The following SAMD3 variants were observed in gnomAD, a reference collection of about 807,000 sequenced individuals.
The protein encoded by SAMD3 is sterile alpha motif domain containing 3.
Under a neutral mutation model 58.5 loss-of-function variants are expected in SAMD3, and 63 were observed. The observed-to-expected ratio is 1.08, with a 90% CI of 0.88 to 1.33. The LOEUF (loss-of-function observed/expected upper bound fraction) is 1.33, where lower values mean the gene tolerates loss of function less well. SAMD3 is among the 40% of genes most tolerant of loss of function. The pLI is 0.00. For missense variants in SAMD3, 604 were observed against 608.4 expected, an observed-to-expected ratio of 0.99 and a Z score of 0.08; for synonymous variants, 220 against 210.3, an observed-to-expected ratio of 1.05 and a Z score of -0.40.
At chr6:130,264,285 C>G (rs1447888126) in intron 2 of SAMD3, among the ~76,000 whole-genome samples, 2 of 152,206 alleles carry the variant, frequency 1.3e-5, no homozygotes. Flanking sequence ...CTGCCAAAGG[C>G]CATCCAGCTT....
chr6:130,238,704 A>T (rs1375890089), intron 2 of SAMD3, among the ~76,000 whole-genome samples: 2 of 152,188 alleles, frequency 1.3e-5, no homozygotes, highest in African/African-American at 4.8e-5. Flanking sequence ...CCATATGTGG[A>T]CCAGGAAGGG....
At chr6:130,142,974 G>T (rs1788351913), downstream of SAMD3, 1 of 152,188 alleles carries the variant, frequency 6.6e-6, no homozygotes, top group Non-Finnish European at 1.5e-5. Flanking sequence ...TAGGAACTAG[G>T]TTAGGCAAAA....
intron 1 of SAMD3, among the ~76,000 whole-genome samples, chr6:130,325,919 T>G (rs2115006618): frequency 6.6e-6 from 1 of 152,296 alleles, no homozygotes; most frequent in African/African-American, 2.4e-5. Flanking sequence ...ACTTGCCTAC[T>G]TTTCAATTCT....
chr6:130,147,495 T>C (rs1318897575), intron 9 of SAMD3, among the ~76,000 whole-genome samples: 1 of 152,230 alleles, frequency 6.6e-6, no homozygotes, highest in Non-Finnish European at 1.5e-5. Flanking sequence ...TCTGACTTTT[T>C]ATGTTTTGAA....
At chr6:130,314,243 A>G (rs997875657) in intron 1 of SAMD3, among the ~76,000 whole-genome samples, 11 of 152,336 alleles carry the variant, frequency 7.2e-5, no homozygotes, top group African/African-American at 2.4e-4. Flanking sequence ...TAAAGCCCTG[A>G]TTGTTATATC....
intron 2 of SAMD3, among the ~76,000 whole-genome samples, chr6:130,271,955 C>A (rs1774580068): frequency 6.6e-6 from 1 of 152,154 alleles, no homozygotes; most frequent in Non-Finnish European, 1.5e-5. Flanking sequence ...CCCACTGGGT[C>A]CCTCCCATGA....
intron 5 of SAMD3, among the ~76,000 whole-genome samples, chr6:130,195,346 G>C (rs952124855): frequency 6.6e-6 from 1 of 152,054 alleles, no homozygotes; most frequent in African/African-American, 2.4e-5. Flanking sequence ...CCCACAGCAC[G>C]CTTTGGGCAT....
intron 2 of SAMD3, among the ~76,000 whole-genome samples, chr6:130,283,716 T>G (rs1225696577): frequency 1.3e-5 from 2 of 152,174 alleles, no homozygotes; most frequent in African/African-American, 4.8e-5. Context: ...ATTTACCACT[T>G]TCAGATCTAT....
At chr6:130,339,142 G>A (rs1777189717) in intron 1 of SAMD3, among the ~76,000 whole-genome samples, 1 of 152,090 alleles carries the variant, frequency 6.6e-6, no homozygotes, top group African/African-American at 2.4e-5. Context: ...CACCTCCCAG[G>A]TTCATGCCAT....
chr6:130,189,259 T>C (rs1484944995), intron 5 of SAMD3, among the ~76,000 whole-genome samples: 1 of 152,144 alleles, frequency 6.6e-6, no homozygotes, highest in Non-Finnish European at 1.5e-5. Context: ...AATGAAATCA[T>C]AAGGTTGGGC....
intron 2 of SAMD3, among the ~76,000 whole-genome samples, chr6:130,311,610 G>T (rs993094094): frequency 6.6e-6 from 1 of 152,228 alleles, no homozygotes; most frequent in East Asian, 1.9e-4. Context: ...AGGCCCAGTA[G>T]TTGAACAAGT....
Position 130,146,111 on chromosome 6 carries a change from T to C in SAMD3, c.1094A>G (p.Tyr365Cys), listed in dbSNP as rs1788603842. The C allele has an allele frequency of 7.5e-6, 12 of 1,602,350 alleles. No homozygotes were observed. The East Asian group carries it at 2.7e-4, about 36-fold the overall frequency. ...AAAAGAAGTCAGTATATTTTCTGAA[T>C]AGGATTCCAAAATGTGCCTTGTTTT... ...YKKTRHILES[Y>C]SENILTSFSV... The change falls in exon 10 of 12, where the codon TAT becomes TGT. Residue 365 changes from tyrosine (Y) to cysteine (C), a missense_variant. Transcript: ENST00000439090.
chr6:130,280,345 T>G (rs1034080504), intron 2 of SAMD3, among the ~76,000 whole-genome samples: 6 of 152,202 alleles, frequency 3.9e-5, no homozygotes, highest in Non-Finnish European at 1.5e-5. Context: ...ACATACCTCT[T>G]ACCCTTCTCA....
rs148711163 is a variant in SAMD3 at position 130,299,694 on chromosome 6, C to T, written c.-188+13284G>A. Among the ~76,000 whole-genome samples the T allele has an allele frequency of 2.4e-3, 366 of 152,126 alleles. 1 individual carries two copies. Among genetic ancestry groups the T allele is most frequent in the African/African-American group, 8.6e-3 (355 of 41,512 alleles). On this transcript the variant is annotated intron_variant, in intron 2 of 13. Transcript: ENST00000368134. Reference sequence around the variant, plus strand: ...GAAGTTGGTTTTTTGAAAGGATAAACAAAATTGATAGATTGTCCTAGATTA... The same window carrying T: ...GAAGTTGGTTTTTTGAAAGGATAAATAAAATTGATAGATTGTCCTAGATTA...
Position 130,146,049 on chromosome 6 carries a change from C to A in SAMD3, c.1156G>T (p.Glu386Ter). The A allele has an allele frequency of 6.4e-7, 1 of 1,570,052 alleles. No homozygotes were observed. The highest frequency in any genetic ancestry group is 8.6e-7 in the Non-Finnish European group (1 of 1,161,512). Residue 386 changes from glutamate to a stop codon, truncating the protein, a stop_gained, in exon 10 of 12, where the codon GAA becomes TAA. Transcript: ENST00000439090. LOFTEE classifies it high-confidence loss of function. ...VDNPINIVLQEKMKHYTDEDM... is the reference protein window; with the variant it reads ...VDNPINIVLQ ...TCATCTGTGTAATGTTTCATTTTTT[C>A]TTGCAATACAATATTGATTGGATTG...
chr6:130,362,503 G>A (rs1389389931), intron 1 of SAMD3, among the ~76,000 whole-genome samples: 1 of 152,124 alleles, frequency 6.6e-6, no homozygotes, highest in African/African-American at 2.4e-5. Flanking sequence ...AGTAATTTTT[G>A]GATTTCTATA....
intron 2 of SAMD3, among the ~76,000 whole-genome samples, chr6:130,234,974 G>A (rs967123527): frequency 6.6e-6 from 1 of 152,166 alleles, no homozygotes; most frequent in Non-Finnish European, 1.5e-5. Flanking sequence ...AATTAGCCAG[G>A]CATGGTGGTG....
intron 1 of SAMD3, 148 bp from the exon 2 acceptor site, chr6:130,216,764 A>T (rs1796027297): frequency 2.0e-5 from 3 of 152,234 alleles, no homozygotes; most frequent in South Asian, 4.1e-4. Context: ...GACAAACAGT[A>T]GCCACAGAAC....
intron 2 of SAMD3, among the ~76,000 whole-genome samples, chr6:130,305,304 T>C (rs573115242): frequency 6.6e-6 from 1 of 152,336 alleles, no homozygotes; most frequent in South Asian, 2.1e-4. Flanking sequence ...TATATCCTAA[T>C]ATTTTTCTAT....
Sources: gnomAD v4.1 joint callset for allele counts (sites outside exome capture counted in the v4.1 genomes callset) on GRCh38, gnomAD v4.1.1 for gene constraint, MANE v1.5 for transcripts, NCBI Gene and HGNC (gene_info 2026-07-23, HGNC 2026-07-21) for gene names.